Variants in ZNF692 observed in about 807,000 individuals in gnomAD.
The protein encoded by ZNF692 is AICAR responsive element binding protein.
ZNF692 carries 41 observed loss-of-function variants against 49.0 expected under a neutral mutation model. The ratio of observed to expected loss-of-function variants is 0.84; its 90% CI spans 0.65 to 1.08. ZNF692 has a LOEUF of 1.08. Among genes scored for constraint, ZNF692 ranks in the 50% least tolerant of loss-of-function variants. ZNF692 has a pLI of 0.00. For missense variants in ZNF692, 662 were observed against 662.2 expected (o/e 1.00, Z 0.00); for synonymous variants, 288 against 251.5 (o/e 1.15, Z -1.37).
chr1:248,857,659 T>C (rs1660396943), intron 3 of ZNF692, 162 bp from the exon 4 acceptor site: 3 of 1,467,072 alleles, frequency 2.0e-6, no homozygotes, highest in South Asian at 1.4e-5. Flanking sequence ...TCCTGAGACA[T>C]TGCTCCCTTC....
At position 248,850,766 on chromosome 1, in the gene ZNF692, A is replaced by G; in HGVS notation, c.1169T>C (p.Ile390Thr). Reference protein sequence around the residue: ...MKLHSDTRDYICEFCARSFRT... With the variant: ...MKLHSDTRDYTCEFCARSFRT... ...GAAAGACCGGGCGCAGAACTCACAG[A>G]TGTAGTCCCGGGTGTCTGCAGGCAT... Residue 390 changes from isoleucine to threonine, a missense_variant, in exon 11 of 12, where the codon ATC (isoleucine) becomes ACC (threonine). By Grantham distance (89) the Ile-to-Thr change is moderately conservative. Coordinates refer to ENST00000306601, the MANE Select transcript of ZNF692 (RefSeq NM_017865.4). 1 of 1,613,968 alleles carries G rather than the reference A, an allele frequency of 6.2e-7. No homozygotes were observed. The highest frequency in any genetic ancestry group is 8.5e-7 in the Non-Finnish European group (1 of 1,179,970).
intron 10 of ZNF692, among the ~76,000 whole-genome samples, chr1:248,851,528 T>C (rs1659594088): frequency 6.6e-6 from 1 of 151,978 alleles, no homozygotes; most frequent in South Asian, 2.1e-4. Context: ...CCCACCTCTC[T>C]GAAGACCGCA....
intron 10 of ZNF692, among the ~76,000 whole-genome samples, chr1:248,852,056 G>A (rs972024376): frequency 7.2e-5 from 11 of 152,240 alleles, no homozygotes; most frequent in African/African-American, 2.6e-4. Context: ...ACAACTTTTG[G>A]TCTGTTCCGG....
In ZNF692 at chr1:248,850,499, A is replaced by C. The variant is rs1221951021; in HGVS notation, c.1271T>G (p.Phe424Cys). The C allele has an allele frequency of 6.2e-7, 1 of 1,608,878 alleles. No homozygotes were observed. Among genetic ancestry groups the C allele is most frequent in the African/African-American group, 1.3e-5 (1 of 74,876 alleles). The change falls in exon 12 of 12, where the codon TTT becomes TGT. Residue 424 changes from phenylalanine to cysteine, a missense_variant. Phe to Cys is a radical substitution (Grantham distance 205). Coordinates refer to ENST00000306601, the MANE Select transcript of ZNF692 (RefSeq NM_017865.4). ...EKPLQCEICG[F>C]TCRQKASLNW... Reference sequence around the variant, plus strand: ...CAGGGAAGCCTTCTGGCGGCAGGTAAACCCGCATATCTCACACCTGGAGTC... The same window carrying C: ...CAGGGAAGCCTTCTGGCGGCAGGTACACCCGCATATCTCACACCTGGAGTC...
chr1:248,856,000 C>G, intron 6 of ZNF692, 54 bp from the exon 7 acceptor site: 1 of 1,553,382 alleles, frequency 6.4e-7, no homozygotes, highest in Non-Finnish European at 8.8e-7. Flanking sequence ...AGTCAGCCAT[C>G]CCCTGCCCGA....
rs111457570 is a variant in ZNF692, at chr1:248,855,301, A to C, written c.1038+79T>G. ...CTGGTTCTGAATCCTCCCATGCCTT[A>C]AGATCCTTTTCCTCAGTTTTTCTTT... On this transcript the variant is annotated intron_variant, in intron 9 of 11. Coordinates refer to ENST00000306601, the MANE Select transcript of ZNF692 (RefSeq NM_017865.4). 1.9e-4 allele frequency: 275 copies of C among 1,430,242 alleles called. 1 individual carries two copies. Among genetic ancestry groups the C allele is most frequent in the African/African-American group, 1.7e-3 (120 of 71,152 alleles). The allele number at this position is 1,430,242 out of a possible 1,614,324, so 88.6% of individuals were successfully genotyped here. A position where few individuals can be genotyped will look rare whatever the true frequency, so the allele number is the denominator to read the frequency against.
In ZNF692 at chr1:248,855,858, A is replaced by G. The variant is rs2103059000; in HGVS notation, c.748T>C (p.Ser250Pro). 1 of 1,614,130 alleles carries G rather than the reference A, an allele frequency of 6.2e-7. No homozygotes were observed. The highest frequency in any genetic ancestry group is 1.1e-5 in the South Asian group (1 of 91,080). The change falls in exon 7 of 12, where the codon TCC becomes CCC. Residue 250 changes from serine (S) to proline (P), a missense_variant. By Grantham distance (74) the Ser-to-Pro change is moderately conservative (BLOSUM62 -1). Transcript: ENST00000306601. ...GETPPAPAAL[S>P]SPLAVPALSA... ...AAGGCCGGCACAGCAAGAGGACTGG[A>G]GAGTGCTGCAGGGGCTGGTGGTGTC... is the stretch of plus-strand genomic sequence containing the variant.
At chr1:248,854,787 C>G (rs1438860217) in intron 9 of ZNF692, among the ~76,000 whole-genome samples, 1 of 152,130 alleles carries the variant, frequency 6.6e-6, no homozygotes, top group African/African-American at 2.4e-5. Flanking sequence ...CATGCCCTGC[C>G]GAATGCTCTT....
intron 10 of ZNF692, 71 bp from the exon 11 acceptor site, chr1:248,850,852 C>G: frequency 7.5e-7 from 1 of 1,335,264 alleles, no homozygotes; most frequent in South Asian, 1.2e-5. Context: ...ACCCCACCCA[C>G]TGTCCCTCAC....
intron 10 of ZNF692, 66 bp from the exon 11 acceptor site, chr1:248,850,847 A>G: frequency 7.7e-7 from 1 of 1,293,494 alleles, no homozygotes; most frequent in Non-Finnish European, 1.1e-6. Context: ...GGCCCACCCC[A>G]CCCACTGTCC....
intron 10 of ZNF692, 54 bp downstream of exon 10, chr1:248,853,883 C>A: frequency 7.1e-7 from 1 of 1,414,886 alleles, no homozygotes; most frequent in African/African-American, 1.4e-5. Context: ...GGTGACGGGA[C>A]CCACAAAGGA....
At chr1:248,857,113 T>G in intron 4 of ZNF692, 121 bp downstream of exon 4, 1 of 1,040,832 alleles carries the variant, frequency 9.6e-7, no homozygotes, top group Non-Finnish European at 1.4e-6. Flanking sequence ...ATGATATATT[T>G]GTCAAGATAG....
rs772917710 is a variant in ZNF692 at position 248,858,546 on chromosome 1, A to C, written c.-12-225T>G. 61 of 1,551,628 alleles carry C rather than the reference A, an allele frequency of 3.9e-5. No homozygotes were observed. Among genetic ancestry groups the C allele is most frequent in the Non-Finnish European group, 5.1e-5 (58 of 1,147,008 alleles). On this transcript the variant is annotated intron_variant, in intron 1 of 11. Coordinates refer to ENST00000306601, the MANE Select transcript of ZNF692 (RefSeq NM_017865.4). This position sits in a 1 kb window ranked among gnomAD's most constrained non-coding sequence, Gnocchi z 4.3. ...GTCGTCGGGTGGGAGGCAGGCAGAC[A>C]GAAGCAGTCAGAACAAAGGCCTGCG... is the stretch of plus-strand genomic sequence containing the variant.
intron 3 of ZNF692, 74 bp from the exon 4 acceptor site, chr1:248,857,571 G>T: frequency 6.5e-7 from 1 of 1,542,620 alleles, no homozygotes. Flanking sequence ...CATACCCAGG[G>T]AGCCCTGTTC....
Position 248,857,424 on chromosome 1 carries a change from G to A in ZNF692, c.285C>T (p.Ser95=). 1.2e-6 allele frequency: 2 copies of A among 1,614,140 alleles called. No homozygotes were observed. Among genetic ancestry groups the A allele is most frequent in the South Asian group, 1.1e-5 (1 of 91,080 alleles). The change falls in exon 4 of 12, where the codon AGC becomes AGT. Residue 95 remains serine (S), a synonymous_variant. Coordinates refer to ENST00000306601, the MANE Select transcript of ZNF692 (RefSeq NM_017865.4). ...CAGGCCCCCGAAGCCCGGGCACCAG[G>A]CTGCACTCTCGGCTGTGGGCATGAG... The part of the protein sequence containing the change: ...LLSHAHSREC[S]LVPGLRGPGG...
rs1338595431 is a variant in ZNF692 at position 248,858,080 on chromosome 1, A to G, written c.179+51T>C. 3.9e-6 allele frequency: 6 copies of G among 1,549,880 alleles called. No homozygotes were observed. The highest frequency in any genetic ancestry group is 2.7e-5 in the African/African-American group (2 of 73,902). On this transcript the variant is annotated intron_variant, in intron 2 of 11. Coordinates refer to ENST00000306601, the MANE Select transcript of ZNF692 (RefSeq NM_017865.4). The surrounding 1 kb of genome is among the most constrained non-coding windows in gnomAD (Gnocchi z 4.3). ...CAGGACAGGCCCTGGAGAGGAGGCT[A>G]GGGGCTGCTGCCTGGGTACCCTCCC...
rs1459086632 is a variant in ZNF692, at chr1:248,859,062, C to A, written c.-157G>T. The A allele has an allele frequency of 6.5e-6, 1 of 153,538 alleles. No homozygotes were observed. Among genetic ancestry groups the A allele is most frequent in the Non-Finnish European group, 1.5e-5 (1 of 68,600 alleles). 9.5% of individuals were successfully genotyped at this position (153,538 alleles called of 1,614,324 possible). A position where few individuals can be genotyped will look rare whatever the true frequency, so the allele number is the denominator to read the frequency against. On this transcript the variant is annotated 5_prime_UTR_variant, in exon 1 of 12. Coordinates refer to ENST00000306601, the MANE Select transcript of ZNF692 (RefSeq NM_017865.4). ...TTTAAGAAGAAACGGTGCCTCTCGG[C>A]GTCGGCTGCTGTAGCCCGGAACTGA...
In ZNF692 at chr1:248,858,673, G is replaced by T; in HGVS notation, c.-13+245C>A. ...GGTCCACACATTTCATCTTGAATAG[G>T]GCAGCGGCCTTTACTGGTTTCTAGG... On this transcript the variant is annotated intron_variant, in intron 1 of 11. Transcript: ENST00000306601. This position sits in a 1 kb window ranked among gnomAD's most constrained non-coding sequence, Gnocchi z 4.3. The T allele has an allele frequency of 1.0e-6, 1 of 952,498 alleles. No homozygotes were observed. Among genetic ancestry groups the T allele is most frequent in the South Asian group, 1.4e-5 (1 of 71,568 alleles). The allele number at this position is 952,498 out of a possible 1,614,324, so 59.0% of individuals were successfully genotyped here.
At position 248,850,733 on chromosome 1, in the gene ZNF692, C is replaced by G; in HGVS notation, c.1202G>C (p.Ser401Thr). 6.2e-7 allele frequency: 1 copy of G among 1,614,130 alleles called. No homozygotes were observed. Among genetic ancestry groups the G allele is most frequent in the Non-Finnish European group, 8.5e-7 (1 of 1,180,000 alleles). Reference protein sequence around the residue: ...CEFCARSFRTSSNLVIHRRIH... With the variant: ...CEFCARSFRTTSNLVIHRRIH... ...ACGTCTGTGGATGACAAGGTTGCTGCTAGTGCGGAAAGACCGGGCGCAGAA... is the reference window on the plus strand; with the variant it reads ...ACGTCTGTGGATGACAAGGTTGCTGGTAGTGCGGAAAGACCGGGCGCAGAA... The change falls in exon 11 of 12, where the codon AGC (serine) becomes ACC (threonine). Residue 401 changes from serine (S) to threonine (T), a missense_variant. Ser to Thr is a moderately conservative substitution (Grantham distance 58). Coordinates refer to ENST00000306601, the MANE Select transcript of ZNF692 (RefSeq NM_017865.4).
Sources: gnomAD v4.1 joint callset for allele counts (sites outside exome capture counted in the v4.1 genomes callset) on GRCh38, gnomAD v4.1.1 for gene constraint, Gnocchi (gnomAD v3.1) non-coding constraint, MANE v1.5 for transcripts, NCBI Gene and HGNC (gene_info 2026-07-23, HGNC 2026-07-21) for gene names.